The following ARNT2 variants were observed in gnomAD, a reference collection of about 807,000 sequenced individuals.
ARNT2 encodes the protein aryl hydrocarbon receptor nuclear translocator 2.
In ARNT2, 36 loss-of-function variants were observed where a neutral mutation model predicts 91.7. The ratio of observed to expected loss-of-function variants is 0.39; its 90% confidence interval spans 0.30 to 0.52. The LOEUF is 0.52. Ranked by LOEUF, ARNT2 falls within the 20% of genes least tolerant of loss-of-function variation. The probability of loss-of-function intolerance (pLI) is 0.72; values close to 1 mark genes in which losing one functional copy is unlikely to be tolerated. For missense variants in ARNT2, 775 were observed against 939.3 expected (o/e 0.83, Z 2.29); for synonymous variants, 365 against 347.1 (o/e 1.05, Z -0.57).
chr15:80,404,406 T>C lies in ARNT2; in HGVS notation c.-110T>C, dbSNP rs1895565449. On this transcript the variant is annotated 5_prime_UTR_variant, in exon 1 of 19. Transcript: ENST00000303329. This position sits in a 1 kb window ranked among gnomAD's most constrained non-coding sequence, Gnocchi z 5.5. ...CGCCGCCCGCCCGCGCCGTCCTTTG[T>C]GTGGCGGCGGCGGCGCCTGGGCCTG... 4 of 626,320 alleles carry C rather than the reference T, an allele frequency of 6.4e-6. No homozygotes were observed. The highest frequency in any genetic ancestry group is 6.1e-6 in the Non-Finnish European group (3 of 493,784). The allele number at this position is 626,320 out of a possible 1,614,324, so 38.8% of individuals were successfully genotyped here.
chr15:80,431,449 A>G (rs996409036), intron 1 of ARNT2, among the ~76,000 whole-genome samples: 1 of 152,054 alleles, frequency 6.6e-6, no homozygotes, highest in Admixed American at 6.5e-5. Context: ...CTCCTTTCCC[A>G]GTAACAATGA....
At position 80,596,849 on chromosome 15, in the gene ARNT2, A is replaced by T. The variant is rs1893382252; in HGVS notation, c.*3151A>T. ...ACAGATGCAGCCACAGTAAGGCTCC[A>T]TCAGGACTGGGTCAGTGATGGCAAC... On this transcript the variant is annotated 3_prime_UTR_variant, in exon 19 of 19. Coordinates refer to ENST00000303329, the MANE Select transcript of ARNT2 (RefSeq NM_014862.4). 1 of 307,224 alleles carries T rather than the reference A, an allele frequency of 3.3e-6. No homozygotes were observed. Among genetic ancestry groups the T allele is most frequent in the African/African-American group, 2.2e-5 (1 of 45,886 alleles). 19.0% of individuals were successfully genotyped at this position (307,224 alleles called of 1,614,324 possible).
chr15:80,466,888 C>T (rs1475305328), intron 3 of ARNT2, among the ~76,000 whole-genome samples: 2 of 152,222 alleles, frequency 1.3e-5, no homozygotes, highest in Non-Finnish European at 1.5e-5. Flanking sequence ...CTTCATACAC[C>T]TTATCTCACA....
At chr15:80,590,160 G>A (rs1893250971) in intron 17 of ARNT2, among the ~76,000 whole-genome samples, 1 of 152,152 alleles carries the variant, frequency 6.6e-6, no homozygotes, top group Non-Finnish European at 1.5e-5. Context: ...GTTGGGTGGG[G>A]CCTGAGGCTT....
At chr15:80,522,092 ATTCACAAATATAGTAAGCACCT>A (rs1595996808) in intron 8 of ARNT2, among the ~76,000 whole-genome samples, 3 of 152,218 alleles carry the variant, frequency 2.0e-5, no homozygotes, top group Non-Finnish European at 4.4e-5. Flanking sequence ...AGTTTTCTAT[ATTCACAAATATAGTAAGCACCT>A]TAATGCAGTT....
Position 80,490,140 on chromosome 15 carries a change from G to A in ARNT2, c.622+14917G>A, listed in dbSNP as rs74649060. ...GAGAGAGAGAAGCTGGATAGGTCAGGACAGGTCAGAAGAGAAGCCAGGCAA... is the reference window on the plus strand; with the variant it reads ...GAGAGAGAGAAGCTGGATAGGTCAGAACAGGTCAGAAGAGAAGCCAGGCAA... On this transcript the variant is annotated intron_variant, in intron 5 of 18. Coordinates refer to ENST00000303329, the MANE Select transcript of ARNT2 (RefSeq NM_014862.4). Among the ~76,000 whole-genome samples, 230 of 152,308 alleles carry A rather than the reference G, an allele frequency of 1.5e-3. 2 individuals carry two copies. Among genetic ancestry groups the A allele is most frequent in the African/African-American group, 5.2e-3 (217 of 41,554 alleles).
chr15:80,469,620 G>C (rs1038668456), intron 3 of ARNT2, among the ~76,000 whole-genome samples: 1 of 151,652 alleles, frequency 6.6e-6, no homozygotes, highest in Non-Finnish European at 1.5e-5. Flanking sequence ...GTGTGTGTGT[G>C]CACGTGTGTA....
At chr15:80,489,834 T>C (rs1174969504) in intron 5 of ARNT2, among the ~76,000 whole-genome samples, 3 of 152,170 alleles carry the variant, frequency 2.0e-5, no homozygotes, top group African/African-American at 7.2e-5. Context: ...GTTAAGAGCA[T>C]GGACTTTCTG....
At chr15:80,444,966 GTGAA>G (rs1367559575) in intron 1 of ARNT2, 7 of 151,966 alleles carry the variant, frequency 4.6e-5, no homozygotes, top group Non-Finnish European at 8.8e-5. Flanking sequence ...TGTGTTGTGT[GTGAA>G]TGGTGTGTGT....
intron 17 of ARNT2, among the ~76,000 whole-genome samples, chr15:80,590,330 A>G (rs937051760): frequency 6.6e-6 from 1 of 152,240 alleles, no homozygotes; most frequent in Non-Finnish European, 1.5e-5. Context: ...CCTTAAAGGT[A>G]TCTTCTCTGA....
At chr15:80,528,406 CTATCTATT>C (rs1384072481) in intron 8 of ARNT2, among the ~76,000 whole-genome samples, 5 of 151,140 alleles carry the variant, frequency 3.3e-5, no homozygotes, top group Admixed American at 2.6e-4. Context: ...ATCTATCTAT[CTATCTATT>C]TATCATCTAT....
chr15:80,593,095 A>T (rs1893309825), intron 18 of ARNT2, among the ~76,000 whole-genome samples: 1 of 152,240 alleles, frequency 6.6e-6, no homozygotes, highest in East Asian at 1.9e-4. Context: ...TGGATGGGTC[A>T]TCTGAGGCCC....
rs751683131 is a variant in ARNT2, at chr15:80,563,276, A to T, written c.1316+37A>T. 6.8e-6 allele frequency: 11 copies of T among 1,611,932 alleles called. No homozygotes were observed. In the East Asian group the frequency reaches 2.0e-4, roughly 29 times the overall value. ...GCCATTTCCCTCTCCTGGAATCCAC[A>T]TGCGCTTGCTTGGGTCCAGAGCTGG... On this transcript the variant is annotated intron_variant, in intron 12 of 18. Coordinates refer to ENST00000303329, the MANE Select transcript of ARNT2 (RefSeq NM_014862.4).
chr15:80,558,116 A>G (rs966700113), intron 11 of ARNT2, among the ~76,000 whole-genome samples: 5 of 151,950 alleles, frequency 3.3e-5, no homozygotes, highest in African/African-American at 9.7e-5. Context: ...CACTCTTCAC[A>G]TTACTGACAT....
intron 5 of ARNT2, 47 bp downstream of exon 5, chr15:80,475,270 C>T (rs368841068): frequency 2.5e-6 from 4 of 1,597,394 alleles, no homozygotes; most frequent in African/African-American, 2.7e-5. Context: ...AGAAAACATT[C>T]TTGGCTGGGC....
intron 5 of ARNT2, among the ~76,000 whole-genome samples, chr15:80,489,605 ATAATAGGCCT>A (rs1897024429): frequency 6.6e-6 from 1 of 152,222 alleles, no homozygotes; most frequent in Admixed American, 6.5e-5. Flanking sequence ...AGCTCTCTCC[ATAATAGGCCT>A]GTGAAGTGGC....
At chr15:80,485,224 T>C (rs1216877606) in intron 5 of ARNT2, among the ~76,000 whole-genome samples, 3 of 152,258 alleles carry the variant, frequency 2.0e-5, no homozygotes, top group South Asian at 4.1e-4. Flanking sequence ...GGGTAGGCCC[T>C]GATCTTTGTT....
Position 80,404,591 on chromosome 15 carries a change from C to G in ARNT2, c.31+45C>G, listed in dbSNP as rs1895569580. On this transcript the variant is annotated intron_variant, in intron 1 of 18. Coordinates refer to ENST00000303329, the MANE Select transcript of ARNT2 (RefSeq NM_014862.4). This position sits in a 1 kb window ranked among gnomAD's most constrained non-coding sequence, Gnocchi z 5.5. ...CCGCCGCCCGCCGCAGCCCGCAGGC[C>G]TTGCCCGGGGCCGGAGCGGACCAGG... 3 of 1,044,446 alleles carry G rather than the reference C, an allele frequency of 2.9e-6. No individual in the cohort carries two copies. In the South Asian group the frequency reaches 1.2e-4, roughly 41 times the overall value. The allele number at this position is 1,044,446 out of a possible 1,614,324, so 64.7% of individuals were successfully genotyped here. A position where few individuals can be genotyped will look rare whatever the true frequency, so the allele number is the denominator to read the frequency against.
chr15:80,439,886 C>T (rs1896162005), intron 1 of ARNT2, among the ~76,000 whole-genome samples: 1 of 152,226 alleles, frequency 6.6e-6, no homozygotes, highest in Non-Finnish European at 1.5e-5. Flanking sequence ...AGCAGGTCCT[C>T]CTCAGTGAAC....
Sources: allele counts gnomAD v4.1 joint callset (sites outside exome capture counted in the v4.1 genomes callset), GRCh38; gene constraint gnomAD v4.1.1; non-coding constraint Gnocchi (gnomAD v3.1); transcripts MANE v1.5; gene names NCBI Gene and HGNC (gene_info 2026-07-23, HGNC 2026-07-21).